Variants in ELAVL3 observed in about 807,000 individuals in gnomAD.
The protein encoded by ELAVL3 is ELAV-like protein 3.
ELAVL3 carries 8 observed loss-of-function variants against 34.2 expected under a neutral mutation model. That is an observed-to-expected ratio of 0.23 (90% CI 0.14 to 0.42). The LOEUF (loss-of-function observed/expected upper bound fraction) is 0.42, where lower values mean the gene tolerates loss of function less well. ELAVL3 is among the 10% of genes least tolerant of loss of function. The probability of loss-of-function intolerance (pLI) is 1.00; values close to 1 mark genes in which losing one functional copy is unlikely to be tolerated. For synonymous variants in ELAVL3, 209 were observed against 222.1 expected, an observed-to-expected ratio of 0.94 and a Z score of 0.53; for missense variants, 273 against 518.8, an observed-to-expected ratio of 0.53 and a Z score of 4.60.
Position 11,454,491 on chromosome 19 carries a change from C to T in ELAVL3, c.*35G>A. 1 of 1,508,824 alleles carries T rather than the reference C, an allele frequency of 6.6e-7. No individual in the cohort carries two copies. 93.5% of individuals were successfully genotyped at this position (1,508,824 alleles called of 1,614,324 possible). A position where few individuals can be genotyped will look rare whatever the true frequency, so the allele number is the denominator to read the frequency against. On this transcript the variant is annotated 3_prime_UTR_variant, in exon 7 of 7. Transcript: ENST00000359227. The surrounding 1 kb of genome is among the most constrained non-coding windows in gnomAD (Gnocchi z 9.2). The stretch of plus-strand genomic sequence containing the variant: ...TCTTTCTCTCTCTCTCTCTCTGCTG[C>T]CCGGGGAGGGGGTGGGAGGGCAGGC...
rs1970656560 is a variant in ELAVL3, at chr19:11,452,056, A to C, written c.*2470T>G. The C allele has an allele frequency of 6.6e-6, 1 of 152,272 alleles. No individual in the cohort carries two copies. Among genetic ancestry groups the C allele is most frequent in the East Asian group, 1.9e-4 (1 of 5,188 alleles). The allele number at this position is 152,272 out of a possible 1,614,324, so 9.4% of individuals were successfully genotyped here. On this transcript the variant is annotated 3_prime_UTR_variant, in exon 7 of 7. Coordinates refer to ENST00000359227, the MANE Select transcript of ELAVL3 (RefSeq NM_001420.4). The stretch of plus-strand genomic sequence containing the variant: ...ACGAGAATAAATAGGTTCGTGTATC[A>C]AGAACAAGCTAGGGATTTCACCAGC...
intron 3 of ELAVL3, among the ~76,000 whole-genome samples, chr19:11,461,895 G>A (rs1026082458): frequency 6.6e-6 from 1 of 152,230 alleles, no homozygotes; most frequent in Non-Finnish European, 1.5e-5. Flanking sequence ...ACTAATTAAA[G>A]CTGGGCGCGG....
rs556585493 is a variant in ELAVL3, at chr19:11,460,715, A to C, written c.334-2104T>G. On this transcript the variant is annotated intron_variant, in intron 3 of 6. Transcript: ENST00000359227. ...ACATCCTCCCTGTCCTCTCTCATCT[A>C]AATTTGTCCTCCCCCCACCACCCCT... is the stretch of plus-strand genomic sequence containing the variant. 7.9e-5 allele frequency among the ~76,000 whole-genome samples: 12 copies of C among 151,988 alleles called. No individual in the cohort carries two copies. In the South Asian group the frequency reaches 2.5e-3, roughly 32 times the overall value.
rs903076719 is a variant in ELAVL3 at position 11,466,095 on chromosome 19, G to T, written c.333+77C>A. ...GCAGTGGACATGGATGCATGGGGGCGGGTAGGTGGCAGTAGGGGGTTGGGG... is the reference window on the plus strand; with the variant it reads ...GCAGTGGACATGGATGCATGGGGGCTGGTAGGTGGCAGTAGGGGGTTGGGG... On this transcript the variant is annotated intron_variant, in intron 3 of 6. Coordinates refer to ENST00000359227, the MANE Select transcript of ELAVL3 (RefSeq NM_001420.4). The surrounding 1 kb of genome is among the most constrained non-coding windows in gnomAD (Gnocchi z 5.0). The T allele has an allele frequency of 3.9e-6, 5 of 1,286,666 alleles. No homozygotes were observed. Among genetic ancestry groups the T allele is most frequent in the Non-Finnish European group, 4.5e-6 (4 of 891,384 alleles). The allele number at this position is 1,286,666 out of a possible 1,614,324, so 79.7% of individuals were successfully genotyped here.
intron 3 of ELAVL3, among the ~76,000 whole-genome samples, chr19:11,465,196 C>T (rs1180057129): frequency 1.4e-5 from 2 of 141,564 alleles, no homozygotes; most frequent in East Asian, 2.2e-4. Flanking sequence ...AATACACCTA[C>T]ACGCCACACA....
At position 11,480,524 on chromosome 19, in the gene ELAVL3, C is replaced by G. The variant is rs1251527697; in HGVS notation, c.9+76G>C. 1.2e-5 allele frequency: 17 copies of G among 1,447,938 alleles called. No individual in the cohort carries two copies. The East Asian group carries it at 2.7e-4, about 23-fold the overall frequency. The allele number at this position is 1,447,938 out of a possible 1,614,324, so 89.7% of individuals were successfully genotyped here. On this transcript the variant is annotated intron_variant, in intron 1 of 6. Transcript: ENST00000359227. The surrounding 1 kb of genome is among the most constrained non-coding windows in gnomAD (Gnocchi z 6.8). ...GCCTGGTCCTACCCCCCCCGCCGCA[C>G]CCGCCCAATCTCCGCGGAGCCTGGG...
At chr19:11,479,428 A>G (rs1041085875) in intron 1 of ELAVL3, among the ~76,000 whole-genome samples, 4 of 152,254 alleles carry the variant, frequency 2.6e-5, no homozygotes, top group African/African-American at 9.6e-5. Context: ...CAATGCACAG[A>G]GACACACACG....
chr19:11,477,706 T>C (rs1056874112), intron 1 of ELAVL3, among the ~76,000 whole-genome samples: 44 of 151,276 alleles, frequency 2.9e-4, no homozygotes, highest in Admixed American at 2.0e-4. Context: ...TTTTTTTTTT[T>C]TTTTGAGATG....
chr19:11,455,933 A>C (rs1370246483), intron 6 of ELAVL3, among the ~76,000 whole-genome samples: 1 of 152,088 alleles, frequency 6.6e-6, no homozygotes, highest in African/African-American at 2.4e-5. Context: ...GGGAGGACCC[A>C]AGGGCCTGAA....
chr19:11,467,289 G>T (rs1281913322), intron 1 of ELAVL3, among the ~76,000 whole-genome samples: 2 of 151,820 alleles, frequency 1.3e-5, no homozygotes, highest in Non-Finnish European at 2.9e-5. Context: ...GGGCGTGGTG[G>T]CGCATGCCTG....
chr19:11,459,910 T>A (rs1970848116), intron 3 of ELAVL3, among the ~76,000 whole-genome samples: 1 of 151,802 alleles, frequency 6.6e-6, no homozygotes, highest in Non-Finnish European at 1.5e-5. Flanking sequence ...CTATAGAGAG[T>A]GGACCTAAGA....
Position 11,466,355 on chromosome 19 carries a change from T to A in ELAVL3, c.230-80A>T. ...GTCCCACCTCAGGCCTGAGAGACTG[T>A]CCCCTCCCCACCAAGTTTCCACCTT... On this transcript the variant is annotated intron_variant, in intron 2 of 6. Coordinates refer to ENST00000359227, the MANE Select transcript of ELAVL3 (RefSeq NM_001420.4). The surrounding 1 kb of genome is among the most constrained non-coding windows in gnomAD (Gnocchi z 5.0). 7.4e-7 allele frequency: 1 copy of A among 1,344,634 alleles called. No individual in the cohort carries two copies. The highest frequency in any genetic ancestry group is 1.1e-6 in the Non-Finnish European group (1 of 941,494). The allele number at this position is 1,344,634 out of a possible 1,614,324, so 83.3% of individuals were successfully genotyped here. A position where few individuals can be genotyped will look rare whatever the true frequency, so the allele number is the denominator to read the frequency against.
chr19:11,465,764 G>A (rs1430277282), intron 3 of ELAVL3, among the ~76,000 whole-genome samples: 1 of 151,808 alleles, frequency 6.6e-6, no homozygotes, highest in Non-Finnish European at 1.5e-5. Context: ...GAGGGGCGTT[G>A]CACAAAGATG....
At chr19:11,465,272 CACACAT>C (rs1971021992) in intron 3 of ELAVL3, among the ~76,000 whole-genome samples, 1 of 109,184 alleles carries the variant, frequency 9.2e-6, no homozygotes, top group Non-Finnish European at 1.7e-5. Context: ...ACATACACCA[CACACAT>C]ACACACACAC....
chr19:11,473,954 C>T (rs561636751), intron 1 of ELAVL3, among the ~76,000 whole-genome samples: 43 of 152,306 alleles, frequency 2.8e-4, no homozygotes, highest in African/African-American at 9.1e-4. Context: ...TGGTTAGTTA[C>T]GTCTGTCATG....
chr19:11,471,086 G>A (rs1971153331), intron 1 of ELAVL3, among the ~76,000 whole-genome samples: 1 of 151,960 alleles, frequency 6.6e-6, no homozygotes, highest in African/African-American at 2.4e-5. Flanking sequence ...GCCGAGGTGG[G>A]CGGATCACGA....
intron 5 of ELAVL3, among the ~76,000 whole-genome samples, chr19:11,457,526 C>T (rs77930778): frequency 0.038 from 5,789 of 152,298 alleles, 258 homozygotes; most frequent in African/African-American, 0.11. Flanking sequence ...CCCGGCCACC[C>T]GGGGGCCCAC....
At position 11,463,367 on chromosome 19, in the gene ELAVL3, C is replaced by CA. The variant is rs1192169255; in HGVS notation, c.333+2804dup. Among the ~76,000 whole-genome samples, 9 of 152,316 alleles carry CA rather than the reference C, an allele frequency of 5.9e-5. No individual in the cohort carries two copies. The South Asian group carries it at 1.9e-3, about 32-fold the overall frequency. ...ACCCAGGGACAGACAGAAGGCCATG[C>CA]AGTGCCGCCCCGCTGCACAGCCTCA... On this transcript the variant is annotated intron_variant, in intron 3 of 6. Coordinates refer to ENST00000359227, the MANE Select transcript of ELAVL3 (RefSeq NM_001420.4).
chr19:11,463,246 G>C (rs1479093748), intron 3 of ELAVL3, among the ~76,000 whole-genome samples: 8 of 152,160 alleles, frequency 5.3e-5, no homozygotes, highest in Non-Finnish European at 7.3e-5. Flanking sequence ...CCCTGGGATG[G>C]GGCCTGGCCC....
Sources: gnomAD v4.1 joint callset for allele counts (sites outside exome capture counted in the v4.1 genomes callset) on GRCh38, gnomAD v4.1.1 for gene constraint, Gnocchi (gnomAD v3.1) non-coding constraint, MANE v1.5 for transcripts, NCBI Gene and HGNC (gene_info 2026-07-23, HGNC 2026-07-21) for gene names.